LRP1B: variants seen among roughly 807,000 people sequenced by gnomAD.
LRP1B encodes the protein low-density lipoprotein receptor-related protein 1B.
LRP1B carries 217 observed loss-of-function variants against 556.6 expected under a neutral mutation model. That is an observed-to-expected ratio of 0.39 (90% CI 0.35 to 0.44). The LOEUF (loss-of-function observed/expected upper bound fraction) is 0.44. Ranked by LOEUF, LRP1B falls within the 20% of genes least tolerant of loss-of-function variation. The pLI is 1.00. For synonymous variants in LRP1B, 2,047 were observed against 1,865.8 expected (o/e 1.10, Z -2.50); for missense variants, 5,053 against 5,620.8 (o/e 0.90, Z 3.23).
intron 20 of LRP1B, among the ~76,000 whole-genome samples, chr2:140,944,625 T>C (rs1695490927): frequency 6.6e-6 from 1 of 152,096 alleles, no homozygotes; most frequent in Non-Finnish European, 1.5e-5. Context: ...AATCAATAAA[T>C]GTGAACCACC....
intron 43 of LRP1B, among the ~76,000 whole-genome samples, chr2:140,571,817 C>T (rs1266928058): frequency 6.6e-6 from 1 of 151,612 alleles, no homozygotes; most frequent in East Asian, 1.9e-4. Flanking sequence ...TAGACCAATG[C>T]AACAACAGAT....
rs1187708435 is a variant in LRP1B, at chr2:140,324,123, AACTATGTTTATCCAAGACG to A, written c.12341-76_12341-58del. ...TTAATGTATATACTCAGACTTTAAA[AACTATGTTTATCCAAGACG>A]ATATTGAAAACCTTATTACTGTTTA... is the stretch of plus-strand genomic sequence containing the variant. On this transcript the variant is annotated intron_variant, in intron 80 of 90. Coordinates refer to ENST00000389484, the MANE Select transcript of LRP1B (RefSeq NM_018557.3). 1.7e-5 allele frequency: 18 copies of A among 1,066,794 alleles called. No homozygotes were observed. In the Admixed American group the frequency reaches 3.2e-4, roughly 19 times the overall value. The allele number at this position is 1,066,794 out of a possible 1,614,324, so 66.1% of individuals were successfully genotyped here. A position where few individuals can be genotyped will look rare whatever the true frequency, so the allele number is the denominator to read the frequency against.
chr2:141,037,047 A>G (rs1185791625), intron 11 of LRP1B, among the ~76,000 whole-genome samples: 1 of 152,010 alleles, frequency 6.6e-6, no homozygotes, highest in African/African-American at 2.4e-5. Flanking sequence ...ATCCACCATG[A>G]ATCTTCCACT....
chr2:141,389,304 T>A (rs972495067), intron 3 of LRP1B, among the ~76,000 whole-genome samples: 9 of 152,026 alleles, frequency 5.9e-5, no homozygotes, highest in Non-Finnish European at 1.3e-4. Flanking sequence ...GAATTAAGAG[T>A]ATAAAATATA....
At chr2:140,702,052 TGC>T in intron 39 of LRP1B, 87 bp downstream of exon 39, 1 of 1,474,334 alleles carries the variant, frequency 6.8e-7, no homozygotes, top group Admixed American at 2.0e-5. Flanking sequence ...TTTGTGACCT[TGC>T]TAAGAAATGG....
At chr2:141,066,919 T>C (rs754928010) in intron 7 of LRP1B, among the ~76,000 whole-genome samples, 25 of 152,020 alleles carry the variant, frequency 1.6e-4, no homozygotes, top group Non-Finnish European at 3.5e-4. Context: ...TCAAAAATCA[T>C]TGCTATGTTT....
At chr2:141,123,762 C>G (rs1299780176) in intron 7 of LRP1B, among the ~76,000 whole-genome samples, 1 of 152,168 alleles carries the variant, frequency 6.6e-6, no homozygotes, top group Admixed American at 6.6e-5. Flanking sequence ...CCAACTACTT[C>G]TCTTTACTCA....
At chr2:142,109,041 A>G (rs1375200497) in intron 1 of LRP1B, among the ~76,000 whole-genome samples, 1 of 152,206 alleles carries the variant, frequency 6.6e-6, no homozygotes, top group African/African-American at 2.4e-5. Flanking sequence ...TTTCAGGACC[A>G]TTGGTCACAG....
chr2:141,683,107 G>A (rs1691163185), intron 2 of LRP1B, among the ~76,000 whole-genome samples: 1 of 152,126 alleles, frequency 6.6e-6, no homozygotes, highest in South Asian at 2.1e-4. Flanking sequence ...CTGATACTTT[G>A]AGTGTAAGCC....
At chr2:141,050,204 A>C (rs1669265164) in intron 10 of LRP1B, among the ~76,000 whole-genome samples, 1 of 151,888 alleles carries the variant, frequency 6.6e-6, no homozygotes, top group African/African-American at 2.4e-5. Context: ...GGAAAATAAT[A>C]AAATAAAAAA....
chr2:141,215,314 C>A (rs1055384444), intron 6 of LRP1B, among the ~76,000 whole-genome samples: 11 of 152,166 alleles, frequency 7.2e-5, no homozygotes, highest in Non-Finnish European at 1.5e-4. Flanking sequence ...GAACCATGAG[C>A]AAATTAAACC....
intron 32 of LRP1B, among the ~76,000 whole-genome samples, chr2:140,796,666 G>C (rs770688926): frequency 7.2e-5 from 11 of 152,040 alleles, no homozygotes; most frequent in Non-Finnish European, 1.2e-4. Context: ...GTATTTGAAG[G>C]TCCTTGAACT....
chr2:140,646,792 G>A (rs984552394), intron 41 of LRP1B, among the ~76,000 whole-genome samples: 2 of 151,742 alleles, frequency 1.3e-5, no homozygotes, highest in African/African-American at 4.8e-5. Flanking sequence ...AAATGTATAT[G>A]AGCAAATACA....
intron 3 of LRP1B, among the ~76,000 whole-genome samples, chr2:141,424,969 G>T: frequency 6.6e-6 from 1 of 151,830 alleles, no homozygotes; most frequent in Non-Finnish European, 1.5e-5. Context: ...TGCACAATGT[G>T]CAGGTTTGTT....
At chr2:140,777,273 T>C (rs942510916) in intron 32 of LRP1B, among the ~76,000 whole-genome samples, 1 of 152,222 alleles carries the variant, frequency 6.6e-6, no homozygotes, top group African/African-American at 2.4e-5. Flanking sequence ...CTTAGCCCTT[T>C]GCCCCTAGCT....
At chr2:141,409,032 A>G (rs1690750289) in intron 3 of LRP1B, among the ~76,000 whole-genome samples, 1 of 152,190 alleles carries the variant, frequency 6.6e-6, no homozygotes, top group South Asian at 2.1e-4. Flanking sequence ...CAGACTGATC[A>G]AAGTCAGACT....
In LRP1B at chr2:141,851,406, A is replaced by C. The variant is rs577294830; in HGVS notation, c.83-41005T>G. 7.4e-4 allele frequency among the ~76,000 whole-genome samples: 113 copies of C among 151,842 alleles called. 2 individuals are homozygous for C. Among genetic ancestry groups the C allele is most frequent in the Middle Eastern group, 6.8e-3 (2 of 294 alleles). On this transcript the variant is annotated intron_variant, in intron 1 of 90. Coordinates refer to ENST00000389484, the MANE Select transcript of LRP1B (RefSeq NM_018557.3). ...GGCTCTTTCATAAATGCTATTTCCTATTCTGCTATACACTGAAATATACTG... is the reference window on the plus strand; with the variant it reads ...GGCTCTTTCATAAATGCTATTTCCTCTTCTGCTATACACTGAAATATACTG...
chr2:140,246,067 G>A (rs1410845539), intron 87 of LRP1B, among the ~76,000 whole-genome samples: 3 of 151,304 alleles, frequency 2.0e-5, no homozygotes, highest in South Asian at 2.1e-4. Context: ...CAATGATATC[G>A]AAACTGTCTG....
At chr2:141,711,950 C>T (rs191300332) in intron 2 of LRP1B, among the ~76,000 whole-genome samples, 6,175 of 133,358 alleles carry the variant, frequency 0.046, 170 homozygotes, top group East Asian at 0.1. Context: ...TGAACACACA[C>T]AGACACACAC....
Sources: allele counts gnomAD v4.1 joint callset (sites outside exome capture counted in the v4.1 genomes callset), GRCh38; gene constraint gnomAD v4.1.1; transcripts MANE v1.5; gene names NCBI Gene and HGNC (gene_info 2026-07-23, HGNC 2026-07-21).